Variants in PTTG1 observed in about 807,000 individuals in gnomAD.
PTTG1 encodes PTTG1 regulator of sister chromatid separation, securin.
A neutral mutation model predicts 20.0 loss-of-function variants in PTTG1; 8 were observed. The observed-to-expected ratio is 0.40, with a 90% CI of 0.23 to 0.72. The LOEUF is 0.72. Among genes scored for constraint, PTTG1 ranks in the 30% least tolerant of loss-of-function variants. PTTG1 has a pLI of 0.38. For synonymous variants in PTTG1, 79 were observed against 87.2 expected (o/e 0.91, Z 0.52); for missense variants, 197 against 236.0 (o/e 0.83, Z 1.08).
chr5:160,425,323 T>G (rs1331041168), intron 4 of PTTG1, among the ~76,000 whole-genome samples: 1 of 152,186 alleles, frequency 6.6e-6, no homozygotes, highest in Non-Finnish European at 1.5e-5. Context: ...TTTAAAATTA[T>G]AAAATGTGGT....
intron 3 of PTTG1, 187 bp downstream of exon 3, chr5:160,423,080 T>G: frequency 1.5e-6 from 1 of 647,546 alleles, no homozygotes; most frequent in Non-Finnish European, 2.6e-6. Flanking sequence ...ATTGGAAATC[T>G]CAGATGCAGC....
At chr5:160,427,980 G>C in intron 5 of PTTG1, 107 bp downstream of exon 5, 1 of 1,365,012 alleles carries the variant, frequency 7.3e-7, no homozygotes, top group Non-Finnish European at 1.0e-6. Context: ...AGTAATTTCT[G>C]TCCTTCAAAT....
intron 3 of PTTG1, among the ~76,000 whole-genome samples, chr5:160,423,289 C>T (rs1765751535): frequency 6.6e-6 from 1 of 152,186 alleles, no homozygotes; most frequent in Admixed American, 6.5e-5. Flanking sequence ...TTTAATAGCA[C>T]AGGTGCTGCC....
chr5:160,422,395 C>G lies in PTTG1; in HGVS notation c.83C>G (p.Ser28Cys). The G allele has an allele frequency of 6.2e-7, 1 of 1,613,924 alleles. No homozygotes were observed. The highest frequency in any genetic ancestry group is 8.5e-7 in the Non-Finnish European group (1 of 1,179,810). ...VVAKDGLKLG[S>C]GPSIKALDGR... ...GCTAAGGATGGGCTGAAGCTGGGGT[C>G]TGGACCTTGTAAGTATACAAGGCTG... Residue 28 changes from serine to cysteine, a missense_variant, in exon 2 of 6, where the codon TCT becomes TGT. Physicochemically the swap from Ser to Cys is moderately radical, Grantham distance 112. Coordinates refer to ENST00000352433, the MANE Select transcript of PTTG1 (RefSeq NM_004219.4).
chr5:160,425,332 G>A (rs969453481), intron 4 of PTTG1, among the ~76,000 whole-genome samples: 8 of 152,148 alleles, frequency 5.3e-5, no homozygotes, highest in South Asian at 2.1e-4. Context: ...ATAAAATGTG[G>A]TGCATCCGTG....
In PTTG1 at chr5:160,422,789, A is replaced by G. The variant is rs767473079; in HGVS notation, c.172A>G (p.Lys58Glu). The G allele has an allele frequency of 6.2e-7, 1 of 1,614,136 alleles. No homozygotes were observed. Among genetic ancestry groups the G allele is most frequent in the Non-Finnish European group, 8.5e-7 (1 of 1,179,978 alleles). ...GTTCGATGCCCCACCAGCCTTACCT[A>G]AAGCTACTAGAAAGGCTTTGGGAAC... Reference protein sequence around the residue: ...KTFDAPPALPKATRKALGTVN... With the variant: ...KTFDAPPALPEATRKALGTVN... Residue 58 changes from lysine to glutamate, a missense_variant, in exon 3 of 6, where the codon AAA becomes GAA. Lys to Glu is a moderately conservative substitution (Grantham distance 56, BLOSUM62 1). Transcript: ENST00000352433.
intron 4 of PTTG1, among the ~76,000 whole-genome samples, chr5:160,425,256 C>T (rs574127482): frequency 6.6e-5 from 10 of 152,296 alleles, no homozygotes; most frequent in East Asian, 5.8e-4. Context: ...TTTGTGAGTA[C>T]ATCTGGAGGG....
intron 5 of PTTG1, among the ~76,000 whole-genome samples, chr5:160,428,139 A>T (rs900691701): frequency 2.6e-5 from 4 of 152,254 alleles, no homozygotes; most frequent in African/African-American, 4.8e-5. Flanking sequence ...TTAGGCTATA[A>T]GTTGAAGCAT....
At position 160,428,736 on chromosome 5, in the gene PTTG1, C is replaced by T; in HGVS notation, c.*55C>T. On this transcript the variant is annotated 3_prime_UTR_variant, in exon 6 of 6. Coordinates refer to ENST00000352433, the MANE Select transcript of PTTG1 (RefSeq NM_004219.4). Reference sequence around the variant, plus strand: ...TTTGTATTAATAAAGCATTCTTTAACAGATTCTTCCTAGTATTGTGGTTGC... The same window carrying T: ...TTTGTATTAATAAAGCATTCTTTAATAGATTCTTCCTAGTATTGTGGTTGC... 1 of 1,488,236 alleles carries T rather than the reference C, an allele frequency of 6.7e-7. No individual in the cohort carries two copies. The highest frequency in any genetic ancestry group is 9.3e-7 in the Non-Finnish European group (1 of 1,069,562). The allele number at this position is 1,488,236 out of a possible 1,614,324, so 92.2% of individuals were successfully genotyped here.
At chr5:160,425,002 C>T (rs916676321) in intron 4 of PTTG1, among the ~76,000 whole-genome samples, 2 of 152,004 alleles carry the variant, frequency 1.3e-5, no homozygotes, top group East Asian at 1.9e-4. Context: ...GTGCAAAGAT[C>T]GTGAGGTAGG....
chr5:160,422,476 G>A, intron 2 of PTTG1, 73 bp downstream of exon 2: 1 of 1,363,238 alleles, frequency 7.3e-7, no homozygotes, highest in Non-Finnish European at 1.0e-6. Flanking sequence ...GACATTTAGT[G>A]TACTTTTTGG....
At chr5:160,427,526 C>T (rs148483677) in intron 4 of PTTG1, among the ~76,000 whole-genome samples, 189 bp from the exon 5 acceptor site, 1 of 152,268 alleles carries the variant, frequency 6.6e-6, no homozygotes, top group African/African-American at 2.4e-5. Flanking sequence ...TGTTGAGGCA[C>T]CAGCAGCTTT....
chr5:160,428,452 C>A, intron 5 of PTTG1, 150 bp from the exon 6 acceptor site: 1 of 685,414 alleles, frequency 1.5e-6, no homozygotes, highest in Admixed American at 2.5e-5. Flanking sequence ...GCCACAGACA[C>A]ATTCCAAAAA....
chr5:160,422,622 G>C (rs1343601586), intron 2 of PTTG1, 87 bp from the exon 3 acceptor site: 2 of 1,491,568 alleles, frequency 1.3e-6, no homozygotes, highest in Non-Finnish European at 1.9e-6. Context: ...GGGTTTGGGG[G>C]TGAGAGGTCA....
At chr5:160,424,351 GA>G in intron 4 of PTTG1, 21 bp downstream of exon 4, 1 of 1,525,442 alleles carries the variant, frequency 6.6e-7, no homozygotes, top group Non-Finnish European at 9.0e-7. Context: ...TTGCAATTGC[GA>G]AAAGTGCTTT....
Position 160,422,803 on chromosome 5 carries a change from G to A in PTTG1, c.186G>A (p.Lys62=), listed in dbSNP as rs2113206724. ...APPALPKATR[K]ALGTVNRATE... The stretch of plus-strand genomic sequence containing the variant: ...CAGCCTTACCTAAAGCTACTAGAAA[G>A]GCTTTGGGAACTGTCAACAGAGCTA... The change falls in exon 3 of 6, where the codon AAG becomes AAA. Residue 62 remains lysine, a synonymous_variant. Transcript: ENST00000352433. 1 of 1,614,138 alleles carries A rather than the reference G, an allele frequency of 6.2e-7. No individual in the cohort carries two copies. The highest frequency in any genetic ancestry group is 8.5e-7 in the Non-Finnish European group (1 of 1,180,024).
intron 4 of PTTG1, among the ~76,000 whole-genome samples, chr5:160,427,091 TA>T (rs1259009262): frequency 6.6e-6 from 1 of 152,206 alleles, no homozygotes; most frequent in Non-Finnish European, 1.5e-5. Context: ...TAACGTTTTA[TA>T]TTCTGCCATT....
Position 160,428,725 on chromosome 5 carries a change from G to A in PTTG1, c.*44G>A. On this transcript the variant is annotated 3_prime_UTR_variant, in exon 6 of 6. Transcript: ENST00000352433. ...GTTTGTGTGTATTTGTATTAATAAA[G>A]CATTCTTTAACAGATTCTTCCTAGT... 3 of 1,539,980 alleles carry A rather than the reference G, an allele frequency of 1.9e-6. No homozygotes were observed. Among genetic ancestry groups the A allele is most frequent in the South Asian group, 1.1e-5 (1 of 89,276 alleles).
chr5:160,423,309 G>C (rs921529068), intron 3 of PTTG1, among the ~76,000 whole-genome samples: 1 of 152,192 alleles, frequency 6.6e-6, no homozygotes, highest in Non-Finnish European at 1.5e-5. Flanking sequence ...CATTCTCTTA[G>C]CCTTCCAGGG....
Sources: gnomAD v4.1 joint callset for allele counts (sites outside exome capture counted in the v4.1 genomes callset) on GRCh38, gnomAD v4.1.1 for gene constraint, MANE v1.5 for transcripts, NCBI Gene and HGNC (gene_info 2026-07-23, HGNC 2026-07-21) for gene names.